Variants in EPS15L1 observed in about 807,000 individuals in gnomAD.
EPS15L1 encodes the protein epidermal growth factor receptor pathway substrate 15 like 1.
In EPS15L1, 43 loss-of-function variants were observed where a neutral mutation model predicts 117.1. That is an observed-to-expected ratio of 0.37 (90% CI 0.29 to 0.47). EPS15L1 has a LOEUF of 0.47. Among genes scored for constraint, EPS15L1 ranks in the 20% least tolerant of loss-of-function variants. The pLI is 0.99. For missense variants in EPS15L1, 981 were observed against 1,164.0 expected, an observed-to-expected ratio of 0.84 and a Z score of 2.29; for synonymous variants, 459 against 470.5, an observed-to-expected ratio of 0.98 and a Z score of 0.32.
In EPS15L1 at chr19:16,404,681, A is replaced by G. The variant is rs2092638040; in HGVS notation, c.1335T>C (p.Ala445=). ...GGTCCATCTCGTCCAGGCGGTCTTGAGCATCCTGTTTCTGAGCCTCGAGCT... is the reference window on the plus strand; with the variant it reads ...GGTCCATCTCGTCCAGGCGGTCTTGGGCATCCTGTTTCTGAGCCTCGAGCT... ...LQELEAQKQD[A]QDRLDEMDQQ... is the part of the protein sequence containing the mutation. Residue 445 remains alanine, a synonymous_variant, in exon 14 of 24, where the codon GCT becomes GCC. Transcript: ENST00000455140. This position sits in a 1 kb window ranked among gnomAD's most constrained non-coding sequence, Gnocchi z 4.2. The G allele has an allele frequency of 6.2e-7, 1 of 1,614,020 alleles. No individual in the cohort carries two copies. Among genetic ancestry groups the G allele is most frequent in the Non-Finnish European group, 8.5e-7 (1 of 1,179,992 alleles).
At position 16,425,230 on chromosome 19, in the gene EPS15L1, C is replaced by G; in HGVS notation, c.645G>C (p.Lys215Asn). The G allele has an allele frequency of 7.6e-7, 1 of 1,311,946 alleles. No homozygotes were observed. Among genetic ancestry groups the G allele is most frequent in the Non-Finnish European group, 1.0e-6 (1 of 962,336 alleles). The allele number at this position is 1,311,946 out of a possible 1,614,324, so 81.3% of individuals were successfully genotyped here. A position where few individuals can be genotyped will look rare whatever the true frequency, so the allele number is the denominator to read the frequency against. ...GGACGGCGCCAGGGAACACAGTCTT[C>G]TTTCTCTTGGAGGGTGGGATGAGGG... The part of the protein sequence containing the change: ...PPSLIPPSKR[K>N]KTVFPGAVPV... Residue 215 changes from lysine to asparagine, a missense_variant, in exon 9 of 24, where the codon AAG becomes AAC. Physicochemically the swap from Lys to Asn is moderately conservative, Grantham distance 94. Around this residue, in one of 5 missense-constraint regions of EPS15L1, gnomAD observed 819 missense variants for 949.0 expected, o/e 0.86. Coordinates refer to ENST00000455140, the MANE Select transcript of EPS15L1 (RefSeq NM_001258374.3).
At chr19:16,366,041 G>A (rs2092128710) in intron 22 of EPS15L1, among the ~76,000 whole-genome samples, 1 of 152,196 alleles carries the variant, frequency 6.6e-6, no homozygotes, top group Non-Finnish European at 1.5e-5. Flanking sequence ...GTGCATGCTT[G>A]GGTATTTGAT....
intron 1 of EPS15L1, among the ~76,000 whole-genome samples, chr19:16,467,442 A>C (rs2093314983): frequency 6.6e-6 from 1 of 151,852 alleles, no homozygotes; most frequent in African/African-American, 2.4e-5. Flanking sequence ...CAGCCACTGC[A>C]CCCGGCCTGG....
intron 19 of EPS15L1, among the ~76,000 whole-genome samples, chr19:16,388,467 A>C (rs995132283): frequency 2.6e-5 from 4 of 152,204 alleles, no homozygotes; most frequent in African/African-American, 9.6e-5. Flanking sequence ...CCAAAGATAA[A>C]GAGAGAATCT....
chr19:16,429,150 C>T (rs1297134074), intron 7 of EPS15L1, among the ~76,000 whole-genome samples: 1 of 152,190 alleles, frequency 6.6e-6, no homozygotes. Context: ...CCCACCCCTC[C>T]CTTGCATTCT....
intron 17 of EPS15L1, among the ~76,000 whole-genome samples, chr19:16,394,719 A>G (rs1438165040): frequency 6.6e-6 from 1 of 152,196 alleles, no homozygotes; most frequent in Non-Finnish European, 1.5e-5. Flanking sequence ...CATGATCATT[A>G]CTAGCTCTGA....
intron 1 of EPS15L1, among the ~76,000 whole-genome samples, chr19:16,447,254 G>A (rs1431294523): frequency 6.6e-6 from 1 of 152,184 alleles, no homozygotes; most frequent in African/African-American, 2.4e-5. Flanking sequence ...GACTGGATGG[G>A]CAGCTCTCTC....
intron 1 of EPS15L1, among the ~76,000 whole-genome samples, chr19:16,453,480 G>A (rs540136262): frequency 4.8e-4 from 73 of 152,166 alleles, no homozygotes; most frequent in Non-Finnish European, 4.1e-4. Flanking sequence ...TTGGGAGGCC[G>A]AGGTGGGCGG....
In EPS15L1 at chr19:16,418,010, C is replaced by T. The variant is rs766752894; in HGVS notation, c.1045G>A (p.Asp349Asn). Reference protein sequence around the residue: ...FIQQKVSKGIDPPQVLSPDMV... With the variant: ...FIQQKVSKGINPPQVLSPDMV... The stretch of plus-strand genomic sequence containing the variant: ...TCCGGCGAGAGGACTTGAGGAGGGT[C>T]GATGCCTTTACTGACCTTCTGCTGA... Residue 349 changes from aspartate (D) to asparagine (N), a missense_variant, in exon 11 of 24, where the codon GAC (aspartate) becomes AAC (asparagine). Asp to Asn is a conservative substitution (Grantham distance 23, BLOSUM62 1). This residue lies in a region of EPS15L1 where 819 missense variants were observed against 949.0 expected (regional missense o/e 0.86). Transcript: ENST00000455140. 4.3e-6 allele frequency: 7 copies of T among 1,614,058 alleles called. No homozygotes were observed. Among genetic ancestry groups the T allele is most frequent in the East Asian group, 4.5e-5 (2 of 44,894 alleles).
intron 13 of EPS15L1, among the ~76,000 whole-genome samples, chr19:16,411,336 T>C (rs2092704138): frequency 6.6e-6 from 1 of 152,062 alleles, no homozygotes; most frequent in South Asian, 2.1e-4. Context: ...GGGGATGAGG[T>C]TTCCTTTTGG....
chr19:16,364,004 T>C (rs896622895), intron 22 of EPS15L1, among the ~76,000 whole-genome samples: 13 of 152,154 alleles, frequency 8.5e-5, no homozygotes, highest in African/African-American at 2.7e-4. Flanking sequence ...GGGGTCGCCG[T>C]TGCATCCTTA....
At chr19:16,469,987 G>T (rs950721283) in intron 1 of EPS15L1, among the ~76,000 whole-genome samples, 5 of 151,386 alleles carry the variant, frequency 3.3e-5, no homozygotes, top group Admixed American at 2.0e-4. Flanking sequence ...ATTTTCACTC[G>T]AGAGCAAGTG....
chr19:16,450,630 G>A (rs1055665403), intron 1 of EPS15L1, among the ~76,000 whole-genome samples: 1 of 151,154 alleles, frequency 6.6e-6, no homozygotes, highest in African/African-American at 2.4e-5. Flanking sequence ...ACAGATGCAT[G>A]CCAACACACC....
rs1051039171 is a variant in EPS15L1, at chr19:16,421,208, G to A, written c.950+111C>T. The A allele has an allele frequency of 1.0e-4, 123 of 1,215,260 alleles. No individual in the cohort carries two copies. The Middle Eastern group carries it at 2.4e-3, about 23-fold the overall frequency. The allele number at this position is 1,215,260 out of a possible 1,614,324, so 75.3% of individuals were successfully genotyped here. A position where few individuals can be genotyped will look rare whatever the true frequency, so the allele number is the denominator to read the frequency against. ...GAGAATAAAGGACGCCAGACACAGC[G>A]GAAGCCTGTGACAGGCTGGAGGGGG... On this transcript the variant is annotated intron_variant, in intron 10 of 23. Coordinates refer to ENST00000455140, the MANE Select transcript of EPS15L1 (RefSeq NM_001258374.3).
intron 1 of EPS15L1, among the ~76,000 whole-genome samples, chr19:16,458,771 T>G (rs1330636493): frequency 6.6e-6 from 1 of 152,082 alleles, no homozygotes; most frequent in Non-Finnish European, 1.5e-5. Context: ...CTCACATATA[T>G]CACACTCAAG....
At chr19:16,373,467 T>C (rs900475852) in intron 22 of EPS15L1, among the ~76,000 whole-genome samples, 17 of 151,078 alleles carry the variant, frequency 1.1e-4, no homozygotes, top group Admixed American at 2.0e-4. Context: ...TTTGAAAACG[T>C]TGGACTTTAT....
chr19:16,428,732 A>G lies in EPS15L1; in HGVS notation c.528T>C (p.Asp176=). 1 of 1,611,592 alleles carries G rather than the reference A, an allele frequency of 6.2e-7. No homozygotes were observed. Among genetic ancestry groups the G allele is most frequent in the Non-Finnish European group, 8.5e-7 (1 of 1,179,222 alleles). The part of the protein sequence containing the change: ...RVWDLSDIDK[D]GHLDRDEFAV... ...CGAACTCATCTCGATCCAAGTGCCC[A>G]TCCTTGTCAATGTCACTGAGGTCCC... The change falls in exon 8 of 24, where the codon GAT becomes GAC. Residue 176 remains aspartate, a synonymous_variant. Transcript: ENST00000455140.
chr19:16,430,179 G>C (rs186130135), intron 7 of EPS15L1, among the ~76,000 whole-genome samples: 47 of 152,300 alleles, frequency 3.1e-4, no homozygotes, highest in African/African-American at 1.1e-3. Context: ...ACCTCTTCTA[G>C]AAAGTCTTCC....
intron 1 of EPS15L1, among the ~76,000 whole-genome samples, chr19:16,466,972 T>C (rs549103625): frequency 1.0e-3 from 157 of 150,940 alleles, no homozygotes; most frequent in African/African-American, 3.6e-3. Context: ...CACTCTACTG[T>C]GACAAAGCAG....
Sources: allele counts gnomAD v4.1 joint callset (sites outside exome capture counted in the v4.1 genomes callset), GRCh38; gene constraint gnomAD v4.1.1; regional missense constraint gnomAD v4.1.1; non-coding constraint Gnocchi (gnomAD v3.1); transcripts MANE v1.5; gene names NCBI Gene and HGNC (gene_info 2026-07-23, HGNC 2026-07-21).